The following STXBP5L variants were observed in gnomAD, a reference collection of about 807,000 sequenced individuals.
STXBP5L encodes the protein syntaxin-binding protein 5-like.
A neutral mutation model predicts 144.5 loss-of-function variants in STXBP5L; 65 were observed. The ratio of observed to expected loss-of-function variants is 0.45; its 90% CI spans 0.37 to 0.55. The LOEUF (loss-of-function observed/expected upper bound fraction) is 0.55, where lower values mean the gene tolerates loss of function less well. STXBP5L is among the 20% of genes least tolerant of loss of function. The pLI is 0.00. For synonymous variants in STXBP5L, 505 were observed against 469.6 expected, an observed-to-expected ratio of 1.08 and a Z score of -0.97; for missense variants, 1,298 against 1,405.5, an observed-to-expected ratio of 0.92 and a Z score of 1.22.
intron 20 of STXBP5L, among the ~76,000 whole-genome samples, chr3:121,367,540 G>T (rs998267084): frequency 7.0e-6 from 1 of 143,734 alleles, no homozygotes; most frequent in Non-Finnish European, 1.5e-5. Context: ...CCTTGTATAT[G>T]ATGAGTCACT....
chr3:120,953,325 CTTTTTTTTTTT>C (rs397875191), intron 2 of STXBP5L, among the ~76,000 whole-genome samples: 1 of 105,742 alleles, frequency 9.5e-6, no homozygotes, highest in African/African-American at 3.8e-5. Context: ...TCACAATTGA[CTTTTTTTTTTT>C]TTTTTTTTTT....
chr3:121,139,162 A>G (rs1029881782), intron 7 of STXBP5L, among the ~76,000 whole-genome samples: 1 of 152,004 alleles, frequency 6.6e-6, no homozygotes, highest in Non-Finnish European at 1.5e-5. Context: ...GAGTTTTAGC[A>G]TTCTGTAGCA....
chr3:121,115,786 G>A (rs563197407), intron 6 of STXBP5L, among the ~76,000 whole-genome samples: 1 of 152,224 alleles, frequency 6.6e-6, no homozygotes, highest in East Asian at 1.9e-4. Context: ...TACAATCATG[G>A]TAGAAGTTAG....
chr3:121,341,978 C>G (rs1490971689), intron 20 of STXBP5L, among the ~76,000 whole-genome samples: 1 of 151,940 alleles, frequency 6.6e-6, no homozygotes, highest in Non-Finnish European at 1.5e-5. Flanking sequence ...TTTAGAATAA[C>G]TTAAATAATA....
rs2047403428 is a variant in STXBP5L, at chr3:121,423,780, C to T, written c.*4683C>T. Reference sequence around the variant, plus strand: ...TTGTCTGCCTTGGCTGGTGCTCCAGCCCCAGTTCTGAGTGGTCAGGGAAGG... The same window carrying T: ...TTGTCTGCCTTGGCTGGTGCTCCAGTCCCAGTTCTGAGTGGTCAGGGAAGG... On this transcript the variant is annotated 3_prime_UTR_variant, in exon 27 of 27. Coordinates refer to ENST00000471454, the MANE Select transcript of STXBP5L (RefSeq NM_001308330.2). 6.6e-6 allele frequency: 1 copy of T among 152,150 alleles called. No homozygotes were observed. The highest frequency in any genetic ancestry group is 2.4e-5 in the African/African-American group (1 of 41,432). The allele number at this position is 152,150 out of a possible 1,614,324, so 9.4% of individuals were successfully genotyped here. A position where few individuals can be genotyped will look rare whatever the true frequency, so the allele number is the denominator to read the frequency against.
chr3:121,078,409 C>T (rs2042113162), intron 5 of STXBP5L, among the ~76,000 whole-genome samples: 2 of 152,360 alleles, frequency 1.3e-5, no homozygotes, highest in Middle Eastern at 3.4e-3. Context: ...TTTACAATCC[C>T]TTAGCTAGAC....
chr3:121,109,501 T>C (rs995605668), intron 5 of STXBP5L, among the ~76,000 whole-genome samples: 1 of 152,158 alleles, frequency 6.6e-6, no homozygotes, highest in Non-Finnish European at 1.5e-5. Flanking sequence ...TTCAGGAGCA[T>C]GTCGTTGCAT....
intron 9 of STXBP5L, among the ~76,000 whole-genome samples, chr3:121,191,426 G>A (rs977316181): frequency 6.6e-6 from 1 of 152,166 alleles, no homozygotes; most frequent in African/African-American, 2.4e-5. Flanking sequence ...GCAATCCCAG[G>A]CATTCGGCAG....
At chr3:120,984,968 A>C (rs1295453896) in intron 3 of STXBP5L, among the ~76,000 whole-genome samples, 2 of 152,062 alleles carry the variant, frequency 1.3e-5, no homozygotes, top group African/African-American at 2.4e-5. Context: ...ACATTGATCA[A>C]TATTCATATG....
At chr3:121,416,422 TAAAC>T (rs1021596217) in intron 25 of STXBP5L, among the ~76,000 whole-genome samples, 1 of 149,994 alleles carries the variant, frequency 6.7e-6, no homozygotes, top group African/African-American at 2.4e-5. Flanking sequence ...GAGACTTTGA[TAAAC>T]AAAATCAAAA....
chr3:120,929,230 G>C (rs1709794834), intron 2 of STXBP5L, among the ~76,000 whole-genome samples: 2 of 152,182 alleles, frequency 1.3e-5, no homozygotes, highest in African/African-American at 4.8e-5. Flanking sequence ...GATGATTGCA[G>C]AGATTGTGGT....
chr3:121,126,774 G>A (rs2044721074), intron 7 of STXBP5L, among the ~76,000 whole-genome samples: 2 of 152,266 alleles, frequency 1.3e-5, no homozygotes, highest in East Asian at 1.9e-4. Context: ...AGGTCTCACT[G>A]GGCAAAAATC....
In STXBP5L at chr3:121,035,298, A is replaced by T. The variant is rs149050487; in HGVS notation, c.288-6402A>T. Reference sequence around the variant, plus strand: ...GAATCCTTTGCCTAGGCCAATGTCCAGAAGAGTTTTCTCAAGTTTTCTTCT... The same window carrying T: ...GAATCCTTTGCCTAGGCCAATGTCCTGAAGAGTTTTCTCAAGTTTTCTTCT... On this transcript the variant is annotated intron_variant, in intron 3 of 26. Transcript: ENST00000471454. 2.4e-3 allele frequency among the ~76,000 whole-genome samples: 360 copies of T among 152,240 alleles called. 2 individuals carry two copies. Among genetic ancestry groups the T allele is most frequent in the Middle Eastern group, 0.01 (3 of 294 alleles).
rs879917799 is a variant in STXBP5L, at chr3:121,312,035, G to A, written c.2111-6440G>A. On this transcript the variant is annotated intron_variant, in intron 19 of 26. Transcript: ENST00000471454. ...ACAGAACAGAGCCCTCAGAAATAAC[G>A]CTGCATATCTACGACTGTCTGATCT... Among the ~76,000 whole-genome samples the A allele has an allele frequency of 9.9e-5, 15 of 152,084 alleles. 1 individual carries two copies. The highest frequency in any genetic ancestry group is 2.4e-4 in the African/African-American group (10 of 41,384).
chr3:121,121,920 T>G (rs550597271), intron 7 of STXBP5L, among the ~76,000 whole-genome samples: 8 of 151,170 alleles, frequency 5.3e-5, no homozygotes, highest in African/African-American at 1.7e-4. Context: ...TACTGAGAGA[T>G]AAAATCGGTA....
intron 7 of STXBP5L, among the ~76,000 whole-genome samples, chr3:121,131,374 C>G (rs1275304608): frequency 6.6e-6 from 1 of 152,126 alleles, no homozygotes; most frequent in Non-Finnish European, 1.5e-5. Flanking sequence ...TATTAAATTA[C>G]TACTCCCACC....
At chr3:121,342,256 A>C (rs1425194626) in intron 20 of STXBP5L, among the ~76,000 whole-genome samples, 6 of 152,146 alleles carry the variant, frequency 3.9e-5, no homozygotes, top group African/African-American at 9.6e-5. Flanking sequence ...TTTTAATTTA[A>C]AAACCTAAAA....
chr3:121,189,297 A>C (rs1435611887), intron 9 of STXBP5L, among the ~76,000 whole-genome samples: 10 of 152,214 alleles, frequency 6.6e-5, no homozygotes, highest in African/African-American at 2.4e-4. Flanking sequence ...GTCCTTGCCC[A>C]TGCCTATGTC....
chr3:121,312,444 ATC>A (rs1297961620), intron 19 of STXBP5L, among the ~76,000 whole-genome samples: 1 of 31,960 alleles, frequency 3.1e-5, no homozygotes, highest in African/African-American at 1.3e-4. Context: ...AGGTATGTCA[ATC>A]TTTTTTTTTT....
Sources: allele counts gnomAD v4.1 joint callset (sites outside exome capture counted in the v4.1 genomes callset), GRCh38; gene constraint gnomAD v4.1.1; transcripts MANE v1.5; gene names NCBI Gene and HGNC (gene_info 2026-07-23, HGNC 2026-07-21).